The following YLPM1 variants were observed in gnomAD, a reference collection of about 807,000 sequenced individuals.
YLPM1 encodes the protein YLP motif-containing protein 1.
Under a neutral mutation model 230.0 loss-of-function variants are expected in YLPM1, and 99 were observed. That is an observed-to-expected ratio of 0.43 (90% CI 0.37 to 0.51). The LOEUF is 0.51. Ranked by LOEUF, YLPM1 falls within the 20% of genes least tolerant of loss-of-function variation. YLPM1 has a pLI of 0.00. For missense variants in YLPM1, 2,592 were observed against 2,707.7 expected (o/e 0.96, Z 0.95); for synonymous variants, 984 against 942.5 (o/e 1.04, Z -0.81).
intron 19 of YLPM1, among the ~76,000 whole-genome samples, chr14:74,833,609 G>T (rs990756055): frequency 5.9e-5 from 9 of 152,182 alleles, no homozygotes; most frequent in Admixed American, 1.3e-4. Context: ...AATGCCCAAA[G>T]ATTTTTCTAT....
intron 2 of YLPM1, among the ~76,000 whole-genome samples, chr14:74,779,453 T>G (rs533786579): frequency 1.3e-5 from 2 of 152,332 alleles, no homozygotes; most frequent in East Asian, 3.9e-4. Context: ...GTGATAATTC[T>G]TGTCACTCAG....
Position 74,835,942 on chromosome 14 carries a change from T to C in YLPM1, c.*204T>C, listed in dbSNP as rs2091640546. ...ATCTTGCTGTACCCAAGCAAGACGT[T>C]AATTTTTCTTTTAACTGTTTTGGGG... On this transcript the variant is annotated 3_prime_UTR_variant, in exon 21 of 21. Transcript: ENST00000325680. 2.2e-6 allele frequency: 1 copy of C among 449,626 alleles called. No individual in the cohort carries two copies. The allele number at this position is 449,626 out of a possible 1,614,324, so 27.9% of individuals were successfully genotyped here. A position where few individuals can be genotyped will look rare whatever the true frequency, so the allele number is the denominator to read the frequency against.
At chr14:74,822,365 A>C (rs901771008) in intron 17 of YLPM1, among the ~76,000 whole-genome samples, 8 of 152,122 alleles carry the variant, frequency 5.3e-5, no homozygotes, top group African/African-American at 1.9e-4. Flanking sequence ...ATAACATCTG[A>C]CTTGCTTAGG....
At chr14:74,821,328 G>A (rs1359219448) in intron 17 of YLPM1, 191 bp downstream of exon 17, 7 of 784,100 alleles carry the variant, frequency 8.9e-6, no homozygotes, top group Non-Finnish European at 1.3e-5. Context: ...CTCTAATGTG[G>A]TGTTAAGAGA....
chr14:74,817,884 G>C (rs760966959), intron 15 of YLPM1, among the ~76,000 whole-genome samples: 2 of 151,636 alleles, frequency 1.3e-5, no homozygotes, highest in Non-Finnish European at 2.9e-5. Context: ...GCGAAACCCT[G>C]TCTCTACAAA....
chr14:74,830,128 A>G (rs10148293), intron 19 of YLPM1, among the ~76,000 whole-genome samples: 72,922 of 152,062 alleles, frequency 0.48, 17,870 homozygotes, highest in Non-Finnish European at 0.54. Context: ...TTTGGAACAG[A>G]TAAATGGCTG....
Position 74,821,056 on chromosome 14 carries a change from G to A in YLPM1, c.6031-1G>A. On this transcript the variant is annotated splice_acceptor_variant, in intron 16 of 20. Transcript: ENST00000325680. LOFTEE classifies it high-confidence loss of function. The stretch of plus-strand genomic sequence containing the variant: ...TTTTTTTTTTTTAATGGTTGGTATA[G>A]GTAGAGATGGAAGATTTTGATGCAA... 6.6e-7 allele frequency: 1 copy of A among 1,513,372 alleles called. No individual in the cohort carries two copies. Among genetic ancestry groups the A allele is most frequent in the Admixed American group, 2.3e-5 (1 of 43,960 alleles). 93.7% of individuals were successfully genotyped at this position (1,513,372 alleles called of 1,614,324 possible).
chr14:74,791,392 G>C (rs1050589042), intron 4 of YLPM1, among the ~76,000 whole-genome samples: 8 of 152,174 alleles, frequency 5.3e-5, no homozygotes, highest in Admixed American at 2.0e-4. Context: ...GATGGGCCTT[G>C]GCTGTTGATC....
chr14:74,808,967 G>A (rs952579711), intron 6 of YLPM1, among the ~76,000 whole-genome samples: 2 of 152,002 alleles, frequency 1.3e-5, no homozygotes, highest in African/African-American at 2.4e-5. Context: ...AACCATTCCA[G>A]TGCATATGAA....
At chr14:74,778,056 T>C (rs1442305272) in intron 1 of YLPM1, among the ~76,000 whole-genome samples, 1 of 152,126 alleles carries the variant, frequency 6.6e-6, no homozygotes, top group Non-Finnish European at 1.5e-5. Context: ...TGTTCAGTTA[T>C]ATTCATTAAT....
intron 11 of YLPM1, among the ~76,000 whole-genome samples, chr14:74,815,064 C>T (rs1373854882): frequency 6.6e-6 from 1 of 152,020 alleles, no homozygotes; most frequent in Non-Finnish European, 1.5e-5. Flanking sequence ...GTAATGTCTC[C>T]TCCTTCATTT....
At position 74,782,222 on chromosome 14, in the gene YLPM1, C is replaced by G. The variant is rs1256605347; in HGVS notation, c.2179C>G (p.Pro727Ala). 3 of 1,601,772 alleles carry G rather than the reference C, an allele frequency of 1.9e-6. No individual in the cohort carries two copies. Among genetic ancestry groups the G allele is most frequent in the Non-Finnish European group, 2.5e-6 (3 of 1,179,298 alleles). Residue 727 changes from proline to alanine, a missense_variant, in exon 4 of 21, where the codon CCA (proline) becomes GCA (alanine). By Grantham distance (27) the Pro-to-Ala change is conservative. Transcript: ENST00000325680. ...AGGACTTGGGGAGTCTTCAGCTGCT[C>G]CATCTCAGCCAATCACTGCAGTGAA... ...DQGLGESSAA[P>A]SQPITAVKDM...
Position 74,780,435 on chromosome 14 carries a change from A to C in YLPM1, c.1141A>C (p.Lys381Gln). 1 of 1,613,742 alleles carries C rather than the reference A, an allele frequency of 6.2e-7. No homozygotes were observed. Among genetic ancestry groups the C allele is most frequent in the Non-Finnish European group, 8.5e-7 (1 of 1,179,726 alleles). The change falls in exon 3 of 21, where the codon AAG becomes CAG. Residue 381 changes from lysine (K) to glutamine (Q), a missense_variant. Coordinates refer to ENST00000325680, the MANE Select transcript of YLPM1 (RefSeq NM_019589.3). The stretch of plus-strand genomic sequence containing the variant: ...GGACCCAGAAGAAGATGCCAGGTTA[A>C]AGCAGTTGCAGGCTGCAGCAGCACA... The part of the protein sequence containing the change: ...SEDPEEDARL[K>Q]QLQAAAAHWQ...
intron 1 of YLPM1, among the ~76,000 whole-genome samples, chr14:74,768,427 A>G (rs1216075813): frequency 1.3e-5 from 2 of 151,946 alleles, no homozygotes; most frequent in Non-Finnish European, 2.9e-5. Context: ...TTGTATTTTT[A>G]ATAGAGATGG....
At chr14:74,803,473 C>T (rs77310863) in intron 6 of YLPM1, among the ~76,000 whole-genome samples, 1,972 of 152,270 alleles carry the variant, frequency 0.013, 19 homozygotes, top group Middle Eastern at 0.031. Context: ...TCTCAGTGTT[C>T]CCTTCCATCC....
At chr14:74,808,503 T>C (rs928432961) in intron 6 of YLPM1, among the ~76,000 whole-genome samples, 1 of 152,096 alleles carries the variant, frequency 6.6e-6, no homozygotes, top group African/African-American at 2.4e-5. Context: ...TGCTGAGCCA[T>C]ATGATAAATT....
chr14:74,800,141 GAA>G (rs2091311126), intron 5 of YLPM1, among the ~76,000 whole-genome samples: 1 of 152,218 alleles, frequency 6.6e-6, no homozygotes, highest in Non-Finnish European at 1.5e-5. Context: ...TTGAAGCTAA[GAA>G]TGGTTTGCTT....
At chr14:74,772,003 C>G (rs1012697497) in intron 1 of YLPM1, among the ~76,000 whole-genome samples, 3 of 152,154 alleles carry the variant, frequency 2.0e-5, no homozygotes, top group Non-Finnish European at 4.4e-5. Context: ...TCCCTGCCCC[C>G]TGCTTTAGAA....
At chr14:74,788,955 G>A (rs577578623) in intron 4 of YLPM1, among the ~76,000 whole-genome samples, 10 of 152,106 alleles carry the variant, frequency 6.6e-5, no homozygotes, top group Non-Finnish European at 8.8e-5. Flanking sequence ...ATTTTATATA[G>A]CGTGAGGTAG....
Sources: allele counts gnomAD v4.1 joint callset (sites outside exome capture counted in the v4.1 genomes callset), GRCh38; gene constraint gnomAD v4.1.1; transcripts MANE v1.5; gene names NCBI Gene and HGNC (gene_info 2026-07-23, HGNC 2026-07-21).